Variants in FAM167A observed in about 807,000 individuals in gnomAD.
The protein encoded by FAM167A is family with sequence similarity 167 member A.
A neutral mutation model predicts 14.9 loss-of-function variants in FAM167A; 23 were observed. That is an observed-to-expected ratio of 1.55 (90% CI 1.11 to 2.19). The LOEUF is 2.19. FAM167A is among the 30% of genes most tolerant of loss of function. The pLI is 0.00. For synonymous variants in FAM167A, 174 were observed against 117.7 expected, an observed-to-expected ratio of 1.48 and a Z score of -3.10; for missense variants, 401 against 281.5, an observed-to-expected ratio of 1.42 and a Z score of -3.04.
rs77541039 is a variant in FAM167A at position 11,442,402 on chromosome 8, A to G, written c.381+1629T>C. Reference sequence around the variant, plus strand: ...AAAGCTCCCCAGGTGGTTACGGTACACGCCAGAGTGAGGAGACTAAAGGAC... The same window carrying G: ...AAAGCTCCCCAGGTGGTTACGGTACGCGCCAGAGTGAGGAGACTAAAGGAC... On this transcript the variant is annotated intron_variant, in intron 2 of 2. Coordinates refer to ENST00000284486, the MANE Select transcript of FAM167A (RefSeq NM_053279.3). 6.8e-3 allele frequency among the ~76,000 whole-genome samples: 1,030 copies of G among 152,236 alleles called. 20 individuals are homozygous for G. The highest frequency in any genetic ancestry group is 0.023 in the African/African-American group (953 of 41,538).
intron 2 of FAM167A, among the ~76,000 whole-genome samples, chr8:11,429,989 G>A (rs769615360): frequency 3.3e-5 from 5 of 152,234 alleles, no homozygotes; most frequent in East Asian, 3.8e-4. Context: ...TCCAGGCCAA[G>A]GCACAGAACA....
chr8:11,457,590 C>A (rs1413195029), intron 1 of FAM167A, among the ~76,000 whole-genome samples: 1 of 152,136 alleles, frequency 6.6e-6, no homozygotes, highest in Non-Finnish European at 1.5e-5. Flanking sequence ...CTGACTGTGA[C>A]CCCGGCACTC....
chr8:11,463,341 G>T (rs146931905), intron 1 of FAM167A, among the ~76,000 whole-genome samples: 25 of 152,340 alleles, frequency 1.6e-4, no homozygotes, highest in Admixed American at 1.0e-3. Flanking sequence ...GACTAGGGAG[G>T]TAGTGTCACT....
chr8:11,429,698 C>G (rs2117006405), intron 2 of FAM167A, among the ~76,000 whole-genome samples: 1 of 152,338 alleles, frequency 6.6e-6, no homozygotes. Context: ...AGGCTCCTGT[C>G]TGCTCAGAGG....
chr8:11,452,252 A>G (rs1328822085), intron 1 of FAM167A, among the ~76,000 whole-genome samples: 1 of 152,210 alleles, frequency 6.6e-6, no homozygotes. Flanking sequence ...TGAGGACAGA[A>G]TGACAATTTC....
At chr8:11,470,185 G>A (rs998212337), upstream of FAM167A, among the ~76,000 whole-genome samples, 2 of 152,192 alleles carry the variant, frequency 1.3e-5, no homozygotes, top group Non-Finnish European at 2.9e-5. Flanking sequence ...ACTTGGATTG[G>A]AAGTAATGGC....
intron 1 of FAM167A, among the ~76,000 whole-genome samples, chr8:11,475,290 T>C (rs1368749544): frequency 6.6e-6 from 1 of 152,218 alleles, no homozygotes; most frequent in Admixed American, 6.5e-5. Flanking sequence ...CTCTGCACCC[T>C]TGTGCATGCT....
chr8:11,445,698 G>C (rs1223773905), intron 1 of FAM167A: 1 of 819,602 alleles, frequency 1.2e-6, no homozygotes, highest in African/African-American at 1.9e-5. Context: ...AGTAAGAAGA[G>C]ACCGCAGCCT....
At chr8:11,427,140 T>C (rs948453538) in intron 2 of FAM167A, among the ~76,000 whole-genome samples, 3 of 152,230 alleles carry the variant, frequency 2.0e-5, no homozygotes, top group Admixed American at 6.5e-5. Context: ...AGTTCCCAGC[T>C]TGACTTTTCC....
chr8:11,425,929 G>A (rs181985668), intron 2 of FAM167A, among the ~76,000 whole-genome samples: 91 of 152,258 alleles, frequency 6.0e-4, no homozygotes, highest in African/African-American at 2.0e-3. Context: ...TTCCATTAAT[G>A]CAATCAAGCC....
chr8:11,431,893 CAAA>C (rs748615997), intron 2 of FAM167A, among the ~76,000 whole-genome samples: 45 of 15,638 alleles, frequency 2.9e-3, no homozygotes, highest in African/African-American at 5.7e-3. Flanking sequence ...GACCAATTGG[CAAA>C]AAAAAAAAAA....
chr8:11,442,221 C>G (rs568924910), intron 2 of FAM167A, among the ~76,000 whole-genome samples: 3 of 152,282 alleles, frequency 2.0e-5, no homozygotes, highest in African/African-American at 4.8e-5. Context: ...CTGCTTGGCT[C>G]ACAGGCCTGG....
chr8:11,459,054 C>T (rs1807439630), intron 1 of FAM167A, among the ~76,000 whole-genome samples: 1 of 152,230 alleles, frequency 6.6e-6, no homozygotes, highest in African/African-American at 2.4e-5. Flanking sequence ...AAAATAAACG[C>T]ATGAATGACT....
chr8:11,431,032 A>G (rs972554873), intron 2 of FAM167A, among the ~76,000 whole-genome samples: 3 of 152,206 alleles, frequency 2.0e-5, no homozygotes, highest in African/African-American at 7.2e-5. Context: ...CAGAATTACC[A>G]TATGACATGG....
intron 1 of FAM167A, among the ~76,000 whole-genome samples, chr8:11,475,331 A>G (rs1342255711): frequency 6.6e-6 from 1 of 152,132 alleles, no homozygotes; most frequent in Non-Finnish European, 1.5e-5. Context: ...ATTTTCTTAG[A>G]AGTTTTCCAA....
chr8:11,432,158 C>G (rs1805650040), intron 2 of FAM167A, among the ~76,000 whole-genome samples: 1 of 152,120 alleles, frequency 6.6e-6, no homozygotes, highest in South Asian at 2.1e-4. Context: ...CTCTTAGTTG[C>G]CAATGAGATC....
chr8:11,437,357 A>T (rs1806096567), intron 2 of FAM167A, among the ~76,000 whole-genome samples: 1 of 152,162 alleles, frequency 6.6e-6, no homozygotes, highest in South Asian at 2.1e-4. Flanking sequence ...ACAGTACCCA[A>T]CCATCCCAGG....
At chr8:11,465,279 C>A (rs369466776) in intron 1 of FAM167A, among the ~76,000 whole-genome samples, 1 of 152,148 alleles carries the variant, frequency 6.6e-6, no homozygotes, top group Non-Finnish European at 1.5e-5. Flanking sequence ...GCCTTAGATG[C>A]CTCAGATTTC....
At chr8:11,448,298 C>T (rs77388456) in intron 1 of FAM167A, among the ~76,000 whole-genome samples, 11,382 of 152,054 alleles carry the variant, frequency 0.075, 539 homozygotes, top group South Asian at 0.12. Context: ...GAGGCTAGTT[C>T]TGGGGATAAT....
Sources: gnomAD v4.1 joint callset for allele counts (sites outside exome capture counted in the v4.1 genomes callset) on GRCh38, gnomAD v4.1.1 for gene constraint, MANE v1.5 for transcripts, NCBI Gene and HGNC (gene_info 2026-07-23, HGNC 2026-07-21) for gene names.